The following WRN variants were observed in gnomAD, a reference collection of about 807,000 sequenced individuals.
WRN encodes the protein bifunctional 3'-5' exonuclease/ATP-dependent helicase WRN.
In WRN, 149 loss-of-function variants were observed where a neutral mutation model predicts 180.7. The ratio of observed to expected loss-of-function variants is 0.82; its 90% CI spans 0.72 to 0.94. WRN has a LOEUF of 0.94. WRN is among the 40% of genes least tolerant of loss of function. The probability of loss-of-function intolerance (pLI) is 0.00; values close to 1 mark genes in which losing one functional copy is unlikely to be tolerated. For synonymous variants in WRN, 548 were observed against 568.9 expected (o/e 0.96, Z 0.52); for missense variants, 1,661 against 1,700.1 (o/e 0.98, Z 0.40).
intron 21 of WRN, among the ~76,000 whole-genome samples, chr8:31,122,857 C>CTTTTTTTTTT (rs1801772940): frequency 2.1e-5 from 1 of 47,946 alleles, no homozygotes. Flanking sequence ...CATTTCTTTT[C>CTTTTTTTTTT]TTGTTTTTTT....
At position 31,141,804 on chromosome 8, in the gene WRN, TTC is replaced by T. The variant is rs1310105585; in HGVS notation, c.3233+31_3233+32del. On this transcript the variant is annotated intron_variant, in intron 26 of 34. Coordinates refer to ENST00000298139, the MANE Select transcript of WRN (RefSeq NM_000553.6). ...CATTTTTCAGTTTTTTTCTTGTAACTTCTGCATTTTTTGTTGCTATTTATGTG... is the reference window on the plus strand; with the variant it reads ...CATTTTTCAGTTTTTTTCTTGTAACTTGCATTTTTTGTTGCTATTTATGTG... 2.5e-6 allele frequency: 4 copies of T among 1,595,802 alleles called. No individual in the cohort carries two copies. In the South Asian group the frequency reaches 4.4e-5, roughly 18 times the overall value.
At chr8:31,064,771 A>G (rs1812627216) in intron 4 of WRN, 144 bp from the exon 5 acceptor site, 1 of 1,038,658 alleles carries the variant, frequency 9.6e-7, no homozygotes, top group South Asian at 1.6e-5. Context: ...TGCTTTAGTT[A>G]AGAAATACTC....
At chr8:31,111,927 T>G in intron 19 of WRN, 128 bp downstream of exon 19, 1 of 1,236,008 alleles carries the variant, frequency 8.1e-7, no homozygotes, top group South Asian at 1.4e-5. Context: ...TCCACCTAGT[T>G]TTGGTTCAAG....
chr8:31,121,778 A>G (rs1801734249), intron 21 of WRN, among the ~76,000 whole-genome samples: 1 of 150,286 alleles, frequency 6.7e-6, no homozygotes. Context: ...CCTTCTGAGT[A>G]GTCAGTAGCT....
chr8:31,061,244 C>G lies in WRN; in HGVS notation c.209+1979C>G, dbSNP rs548636709. Among the ~76,000 whole-genome samples the G allele has an allele frequency of 3.3e-5, 5 of 151,688 alleles. No homozygotes were observed. In the South Asian group the frequency reaches 1.0e-3, roughly 32 times the overall value. ...TCAAGTTCACTTATATTTTTTTCTT[C>G]TGTAGTGTCTGGTCTGTTTATACCA... On this transcript the variant is annotated intron_variant, in intron 3 of 34. Coordinates refer to ENST00000298139, the MANE Select transcript of WRN (RefSeq NM_000553.6).
intron 34 of WRN, among the ~76,000 whole-genome samples, chr8:31,169,868 G>A (rs540745490): frequency 1.3e-5 from 2 of 149,714 alleles, no homozygotes; most frequent in African/African-American, 5.0e-5. Context: ...CTAGTCCCAG[G>A]GTTCAGAGTA....
At chr8:31,142,097 T>C (rs535607558) in intron 26 of WRN, among the ~76,000 whole-genome samples, 1 of 152,188 alleles carries the variant, frequency 6.6e-6, no homozygotes, top group East Asian at 1.9e-4. Flanking sequence ...CATGCACTAC[T>C]ATGCCCAGCT....
intron 1 of WRN, 38 bp from the exon 2 acceptor site, chr8:31,058,334 G>A (rs1812353877): frequency 3.5e-6 from 3 of 858,606 alleles, no homozygotes; most frequent in South Asian, 1.5e-5. Flanking sequence ...AAATATGTAT[G>A]TTTGGTTTTC....
At chr8:31,053,500 A>AT (rs1306945667) in intron 1 of WRN, among the ~76,000 whole-genome samples, 2 of 152,184 alleles carry the variant, frequency 1.3e-5, no homozygotes, top group African/African-American at 4.8e-5. Context: ...TTTATTACTG[A>AT]TTATGTGGAC....
Position 31,141,606 on chromosome 8 carries a change from C to A in WRN, c.3138+6C>A. On this transcript the variant is annotated splice_donor_region_variant and intron_variant, in intron 25 of 34. Transcript: ENST00000298139. The stretch of plus-strand genomic sequence containing the variant: ...TTTGCGCCCTTACGAAAAAGGTAAA[C>A]GGTGTAGGAGTCTGCCTGTTTGACT... The A allele has an allele frequency of 1.9e-6, 3 of 1,613,742 alleles. No individual in the cohort carries two copies. Among genetic ancestry groups the A allele is most frequent in the Non-Finnish European group, 2.5e-6 (3 of 1,179,916 alleles).
intron 23 of WRN, among the ~76,000 whole-genome samples, chr8:31,128,935 G>A (rs1338396138): frequency 6.6e-6 from 1 of 152,032 alleles, no homozygotes; most frequent in Non-Finnish European, 1.5e-5. Flanking sequence ...AGCATGGGTT[G>A]GCAAACTATG....
At chr8:31,162,740 T>G (rs1803681750) in intron 33 of WRN, among the ~76,000 whole-genome samples, 1 of 152,122 alleles carries the variant, frequency 6.6e-6, no homozygotes, top group South Asian at 2.1e-4. Flanking sequence ...ACTTTTCAGC[T>G]CCATGATAAT....
chr8:31,050,765 CA>C (rs774374998), intron 1 of WRN, among the ~76,000 whole-genome samples: 3 of 152,000 alleles, frequency 2.0e-5, no homozygotes, highest in Non-Finnish European at 4.4e-5. Flanking sequence ...CATACGTGCC[CA>C]ATGTGAGAAA....
rs201274303 is a variant in WRN, at chr8:31,143,563, A to G, written c.3323A>G (p.Lys1108Arg). The G allele has an allele frequency of 6.3e-7, 1 of 1,592,770 alleles. No individual in the cohort carries two copies. Among genetic ancestry groups the G allele is most frequent in the African/African-American group, 1.3e-5 (1 of 74,464 alleles). The stretch of plus-strand genomic sequence containing the variant: ...GTTTAAATGCAGTCTAACTTGGAGA[A>G]GTTATATTCTTATAAACCATGTGAT... ...LSTEKKSNLE[K>R]LYSYKPCDKI... The change falls in exon 28 of 35, where the codon AAG becomes AGG. Residue 1108 changes from lysine to arginine, a missense_variant. Lys to Arg is a conservative substitution (Grantham distance 26). Around this residue, in one of 3 missense-constraint regions of WRN, gnomAD observed 1,141 missense variants for 1,149.4 expected, o/e 0.99. Transcript: ENST00000298139.
At chr8:31,051,939 GAAT>G (rs1274608172) in intron 1 of WRN, among the ~76,000 whole-genome samples, 3 of 152,160 alleles carry the variant, frequency 2.0e-5, no homozygotes, top group Non-Finnish European at 2.9e-5. Flanking sequence ...GTCAAAAGAA[GAAT>G]AATATTTTAT....
intron 1 of WRN, among the ~76,000 whole-genome samples, chr8:31,053,639 A>T (rs1039167039): frequency 1.3e-5 from 2 of 152,254 alleles, no homozygotes; most frequent in Non-Finnish European, 2.9e-5. Flanking sequence ...TGACATTTTG[A>T]ACACTTGAAT....
At chr8:31,132,599 G>C in intron 24 of WRN, 93 bp downstream of exon 24, 1 of 1,545,630 alleles carries the variant, frequency 6.5e-7, no homozygotes, top group Non-Finnish European at 8.9e-7. Context: ...TTGTAGCTTT[G>C]ACTTCAGATG....
At chr8:31,119,624 C>A (rs1801644435) in intron 20 of WRN, among the ~76,000 whole-genome samples, 1 of 151,770 alleles carries the variant, frequency 6.6e-6, no homozygotes, top group African/African-American at 2.4e-5. Flanking sequence ...TTTTTATGAT[C>A]TCTGAGCCAT....
chr8:31,091,745 ATTTC>A, intron 15 of WRN, 81 bp from the exon 16 acceptor site: 2 of 1,274,496 alleles, frequency 1.6e-6, no homozygotes, highest in Non-Finnish European at 2.3e-6. Flanking sequence ...AAATTATTAT[ATTTC>A]TTTATTCTTT....
Sources: gnomAD v4.1 joint callset for allele counts (sites outside exome capture counted in the v4.1 genomes callset) on GRCh38, gnomAD v4.1.1 for gene constraint, gnomAD v4.1.1 regional missense constraint, MANE v1.5 for transcripts, NCBI Gene and HGNC (gene_info 2026-07-23, HGNC 2026-07-21) for gene names.